The following SPTB variants were observed in gnomAD, a reference collection of about 807,000 sequenced individuals.
SPTB encodes the protein spectrin beta chain, erythrocytic.
SPTB carries 45 observed loss-of-function variants against 256.2 expected under a neutral mutation model. The observed-to-expected ratio is 0.18, with a 90% CI of 0.14 to 0.23. The LOEUF (loss-of-function observed/expected upper bound fraction) is 0.23. Ranked by LOEUF, SPTB falls within the 10% of genes least tolerant of loss-of-function variation. The pLI is 1.00. For missense variants in SPTB, 2,715 were observed against 3,040.4 expected (o/e 0.89, Z 2.52); for synonymous variants, 1,231 against 1,243.1 (o/e 0.99, Z 0.21).
At chr14:64,862,437 G>A (rs776151528) in intron 1 of SPTB, among the ~76,000 whole-genome samples, 13 of 151,660 alleles carry the variant, frequency 8.6e-5, no homozygotes, top group African/African-American at 2.2e-4. Flanking sequence ...AAATATTTCC[G>A]AGAACAAAAA....
intron 27 of SPTB, 87 bp downstream of exon 27, chr14:64,770,798 C>CA: frequency 1.3e-6 from 2 of 1,593,528 alleles, no homozygotes; most frequent in Non-Finnish European, 1.7e-6. Flanking sequence ...TGTCCCTTCA[C>CA]GGAGGAGCCA....
At chr14:64,776,908 G>A (rs1410943658) in intron 22 of SPTB, among the ~76,000 whole-genome samples, 1 of 152,176 alleles carries the variant, frequency 6.6e-6, no homozygotes. Flanking sequence ...AGAAACAAGA[G>A]AAATGAAAAT....
At position 64,772,805 on chromosome 14, in the gene SPTB, G is replaced by C; in HGVS notation, c.5328C>G (p.Asn1776Lys). The C allele has an allele frequency of 6.2e-7, 1 of 1,613,958 alleles. No homozygotes were observed. Among genetic ancestry groups the C allele is most frequent in the Non-Finnish European group, 8.5e-7 (1 of 1,180,046 alleles). Residue 1776 changes from asparagine to lysine, a missense_variant, in exon 26 of 36, where the codon AAC becomes AAG. By Grantham distance (94) the Asn-to-Lys change is moderately conservative (BLOSUM62 0). This residue lies in a region of SPTB where 2,239 missense variants were observed against 2,384.4 expected (regional missense o/e 0.94). Transcript: ENST00000644917. This position sits in a 1 kb window ranked among gnomAD's most constrained non-coding sequence, Gnocchi z 5.4. The stretch of plus-strand genomic sequence containing the variant: ...GCTCCAGGAGGTCTGCCCACATCTC[G>C]TTCAGCCCGTCCTTCCACTCGGCGA... ...ATIAEWKDGL[N>K]EMWADLLELI...
chr14:64,858,992 C>G (rs1386323994), intron 1 of SPTB, among the ~76,000 whole-genome samples: 1 of 152,204 alleles, frequency 6.6e-6, no homozygotes, highest in African/African-American at 2.4e-5. Flanking sequence ...GGTGCAATGG[C>G]TTACACCTGT....
chr14:64,752,134 G>A, intron 33 of SPTB: 1 of 1,256,682 alleles, frequency 8.0e-7, no homozygotes, highest in Non-Finnish European at 1.0e-6. Context: ...AAGACAAATA[G>A]GGCTCATGTC....
At chr14:64,799,009 A>C (rs150540866) in intron 9 of SPTB, among the ~76,000 whole-genome samples, 1 of 152,304 alleles carries the variant, frequency 6.6e-6, no homozygotes, top group African/African-American at 2.4e-5. Flanking sequence ...GCATTTGTAC[A>C]TGTGGTTGTA....
At chr14:64,784,617 G>A (rs2082531729) in intron 18 of SPTB, among the ~76,000 whole-genome samples, 1 of 152,234 alleles carries the variant, frequency 6.6e-6, no homozygotes. Context: ...CCCCACTGGA[G>A]TGTGTGTGGT....
chr14:64,769,474 G>A, intron 28 of SPTB, 116 bp downstream of exon 28: 6 of 1,402,728 alleles, frequency 4.3e-6, no homozygotes, highest in East Asian at 2.5e-5. Context: ...ATGAGTGAGA[G>A]CAAGACAAGC....
intron 15 of SPTB, among the ~76,000 whole-genome samples, chr14:64,789,354 T>TA (rs568653364): frequency 6.6e-6 from 1 of 152,170 alleles, no homozygotes; most frequent in South Asian, 2.1e-4. Context: ...TCTGTCTCTA[T>TA]AAAAAATTAA....
intron 1 of SPTB, among the ~76,000 whole-genome samples, chr14:64,834,190 C>G (rs1301482702): frequency 6.6e-6 from 1 of 152,106 alleles, no homozygotes; most frequent in Non-Finnish European, 1.5e-5. Flanking sequence ...CCATTCCTGG[C>G]TAATTTTTCT....
intron 1 of SPTB, among the ~76,000 whole-genome samples, chr14:64,872,857 T>C (rs1594863471): frequency 6.6e-6 from 1 of 152,218 alleles, no homozygotes; most frequent in Non-Finnish European, 1.5e-5. Context: ...CCCCTGAACA[T>C]GCGCCTGCCA....
In SPTB at chr14:64,748,219, T is replaced by A. The variant is rs927310596; in HGVS notation, c.*1087A>T. 6.7e-6 allele frequency: 1 copy of A among 149,722 alleles called. No individual in the cohort carries two copies. Among genetic ancestry groups the A allele is most frequent in the Non-Finnish European group, 1.5e-5 (1 of 68,008 alleles). 9.3% of individuals were successfully genotyped at this position (149,722 alleles called of 1,614,324 possible). Reference sequence around the variant, plus strand: ...CGAGAAAACAGATGATCAACTTTACTGTCTGCCCAGCCATTACCCTCCAAA... The same window carrying A: ...CGAGAAAACAGATGATCAACTTTACAGTCTGCCCAGCCATTACCCTCCAAA... On this transcript the variant is annotated 3_prime_UTR_variant, in exon 36 of 36. Transcript: ENST00000644917.
At chr14:64,800,412 G>C (rs1566771397) in intron 8 of SPTB, among the ~76,000 whole-genome samples, 1 of 152,252 alleles carries the variant, frequency 6.6e-6, no homozygotes, top group Non-Finnish European at 1.5e-5. Context: ...CAATGGGTGA[G>C]TTTCTGGTAC....
At chr14:64,822,401 C>CACACACACAGCA (rs1555374137) in intron 2 of SPTB, among the ~76,000 whole-genome samples, 12 of 136,512 alleles carry the variant, frequency 8.8e-5, no homozygotes, top group African/African-American at 3.2e-4. Flanking sequence ...CACACACACA[C>CACACACACAGCA]AGAGAGATCT....
Position 64,767,013 on chromosome 14 carries a change from A to G in SPTB, c.6270-212T>C, listed in dbSNP as rs550407058. Among the ~76,000 whole-genome samples, 9 of 152,280 alleles carry G rather than the reference A, an allele frequency of 5.9e-5. 1 individual carries two copies. The South Asian group carries it at 1.9e-3, about 32-fold the overall frequency. On this transcript the variant is annotated intron_variant, in intron 31 of 35. Transcript: ENST00000644917. ...ATTCTTCAGAAGGGAGCCAGGTTCC[A>G]GGCAGAACGGCCTGTGGGGCCCCGT...
intron 1 of SPTB, among the ~76,000 whole-genome samples, chr14:64,849,721 T>C (rs957174989): frequency 1.3e-5 from 2 of 152,208 alleles, no homozygotes; most frequent in Non-Finnish European, 2.9e-5. Flanking sequence ...AGGACATTTT[T>C]TGTTTTAATC....
chr14:64,854,756 T>C (rs1254668270), intron 1 of SPTB, among the ~76,000 whole-genome samples: 1 of 152,164 alleles, frequency 6.6e-6, no homozygotes, highest in Non-Finnish European at 1.5e-5. Flanking sequence ...CATCCCATCC[T>C]CCAGGATGCC....
At chr14:64,754,144 A>C in intron 32 of SPTB, 2 of 404,282 alleles carry the variant, frequency 4.9e-6, no homozygotes, top group Admixed American at 3.6e-5. Context: ...GCAGGTTCCA[A>C]TGCTGCTGGC....
rs1345770163 is a variant in SPTB, at chr14:64,845,684, T to C, written c.-51-22539A>G. Among the ~76,000 whole-genome samples, 2 of 152,216 alleles carry C rather than the reference T, an allele frequency of 1.3e-5. No homozygotes were observed. Among genetic ancestry groups the C allele is most frequent in the Non-Finnish European group, 2.9e-5 (2 of 68,034 alleles). On this transcript the variant is annotated intron_variant, in intron 1 of 35. Transcript: ENST00000644917. The surrounding 1 kb of genome is among the most constrained non-coding windows in gnomAD (Gnocchi z 4.8). ...GCCAAGCTATTCCAGCCTTTGACAATAGGAAATTATCATGTTTTAGGGATT... is the reference window on the plus strand; with the variant it reads ...GCCAAGCTATTCCAGCCTTTGACAACAGGAAATTATCATGTTTTAGGGATT...
Sources: gnomAD v4.1 joint callset for allele counts (sites outside exome capture counted in the v4.1 genomes callset) on GRCh38, gnomAD v4.1.1 for gene constraint, gnomAD v4.1.1 regional missense constraint, Gnocchi (gnomAD v3.1) non-coding constraint, MANE v1.5 for transcripts, NCBI Gene and HGNC (gene_info 2026-07-23, HGNC 2026-07-21) for gene names.